Variants in LMX1B observed in about 807,000 individuals in gnomAD.
LMX1B encodes the protein LIM homeobox transcription factor 1-beta.
In LMX1B, 12 loss-of-function variants were observed where a neutral mutation model predicts 51.4. The observed-to-expected ratio is 0.23, with a 90% CI of 0.15 to 0.38. LMX1B has a LOEUF of 0.38. LMX1B is among the 10% of genes least tolerant of loss of function. The probability of loss-of-function intolerance (pLI) is 1.00; values close to 1 mark genes in which losing one functional copy is unlikely to be tolerated. For missense variants in LMX1B, 445 were observed against 571.1 expected (o/e 0.78, Z 2.25); for synonymous variants, 237 against 235.4 (o/e 1.01, Z -0.06).
chr9:126,686,858 G>A (rs2029916347), intron 2 of LMX1B, among the ~76,000 whole-genome samples: 1 of 152,252 alleles, frequency 6.6e-6, no homozygotes, highest in South Asian at 2.1e-4. Flanking sequence ...ATTGAATGAG[G>A]TGATGCAGGC....
chr9:126,649,086 T>A (rs547882683), intron 2 of LMX1B, among the ~76,000 whole-genome samples: 73 of 152,204 alleles, frequency 4.8e-4, no homozygotes, highest in African/African-American at 1.7e-3. Flanking sequence ...ATCTTCCTTG[T>A]TGCTCCCTCT....
rs775518108 is a variant in LMX1B, at chr9:126,690,806, C to T, written c.327-30C>T. ...GCCTCTGGGAGGGACTTCTGAGCAC[C>T]GCCAACACGCCCGCTTTGTGCATCC... On this transcript the variant is annotated intron_variant, in intron 2 of 7. Coordinates refer to ENST00000373474, the MANE Select transcript of LMX1B (RefSeq NM_001174147.2). 2.9e-5 allele frequency: 45 copies of T among 1,569,290 alleles called. No individual in the cohort carries two copies. The East Asian group carries it at 8.4e-4, about 29-fold the overall frequency.
chr9:126,665,040 G>T (rs768576379), intron 2 of LMX1B, among the ~76,000 whole-genome samples: 4 of 152,252 alleles, frequency 2.6e-5, no homozygotes, highest in Non-Finnish European at 5.9e-5. Context: ...CGTCCTTAGC[G>T]CTGTGCTTGC....
chr9:126,653,649 C>T (rs1836061776), intron 2 of LMX1B, among the ~76,000 whole-genome samples: 1 of 152,188 alleles, frequency 6.6e-6, no homozygotes, highest in Admixed American at 6.5e-5. Flanking sequence ...TGCGTTTGTG[C>T]ATGGAGCTCT....
intron 2 of LMX1B, among the ~76,000 whole-genome samples, chr9:126,617,318 C>G (rs1404080256): frequency 6.6e-6 from 1 of 151,882 alleles, no homozygotes; most frequent in African/African-American, 2.4e-5. Context: ...AGCCACCAGC[C>G]TTTACGACAA....
chr9:126,632,316 G>A (rs1394607729), intron 2 of LMX1B, among the ~76,000 whole-genome samples: 3 of 152,158 alleles, frequency 2.0e-5, no homozygotes, highest in Non-Finnish European at 4.4e-5. Flanking sequence ...GAGATGGGAG[G>A]CTGCAGCTTG....
chr9:126,650,653 C>A (rs1326369283), intron 2 of LMX1B, among the ~76,000 whole-genome samples: 1 of 152,214 alleles, frequency 6.6e-6, no homozygotes, highest in Non-Finnish European at 1.5e-5. Flanking sequence ...CTCGGCACTG[C>A]CCACCACTCA....
intron 2 of LMX1B, among the ~76,000 whole-genome samples, chr9:126,628,200 G>A (rs939382626): frequency 6.6e-6 from 1 of 152,208 alleles, no homozygotes; most frequent in African/African-American, 2.4e-5. Context: ...GTCATGGGGA[G>A]GCCAGAGGCC....
intron 2 of LMX1B, among the ~76,000 whole-genome samples, chr9:126,617,534 A>G (rs1325556758): frequency 6.6e-6 from 1 of 152,004 alleles, no homozygotes; most frequent in Non-Finnish European, 1.5e-5. Context: ...CTTCAGGCAC[A>G]GAATGGTAAA....
At chr9:126,666,233 G>C (rs1436395413) in intron 2 of LMX1B, among the ~76,000 whole-genome samples, 1 of 152,242 alleles carries the variant, frequency 6.6e-6, no homozygotes, top group Non-Finnish European at 1.5e-5. Flanking sequence ...GAGCAGGCAG[G>C]CTCCCTGAAG....
rs1835500498 is a variant in LMX1B, at chr9:126,625,257, C to A, written c.326+9688C>A. Among the ~76,000 whole-genome samples, 1 of 152,200 alleles carries A rather than the reference C, an allele frequency of 6.6e-6. No homozygotes were observed. The highest frequency in any genetic ancestry group is 2.4e-5 in the African/African-American group (1 of 41,444). ...CGCGCTTGGGCCTCAGGAGCCGGAG[C>A]GTTGCCGTGGGGGCGGGGGAAGGGG... On this transcript the variant is annotated intron_variant, in intron 2 of 7. Transcript: ENST00000373474. The surrounding 1 kb of genome is among the most constrained non-coding windows in gnomAD (Gnocchi z 5.3).
At chr9:126,680,956 T>C (rs949006372) in intron 2 of LMX1B, among the ~76,000 whole-genome samples, 1 of 152,048 alleles carries the variant, frequency 6.6e-6, no homozygotes, top group African/African-American at 2.4e-5. Flanking sequence ...GTCAGAGGGA[T>C]GTGATGCTCC....
intron 2 of LMX1B, among the ~76,000 whole-genome samples, chr9:126,682,625 G>A (rs554833105): frequency 6.6e-6 from 1 of 152,276 alleles, no homozygotes; most frequent in Non-Finnish European, 1.5e-5. Flanking sequence ...GGCCGTGTGC[G>A]GTGGCTCACG....
intron 2 of LMX1B, among the ~76,000 whole-genome samples, chr9:126,620,650 GT>G (rs1320261083): frequency 6.6e-6 from 1 of 152,052 alleles, no homozygotes; most frequent in Non-Finnish European, 1.5e-5. Flanking sequence ...CAGACGGAGG[GT>G]GGCCGGGTGT....
intron 2 of LMX1B, among the ~76,000 whole-genome samples, chr9:126,674,538 GA>G (rs1286908628): frequency 6.6e-6 from 1 of 152,186 alleles, no homozygotes; most frequent in African/African-American, 2.4e-5. Flanking sequence ...CTGACCCAAA[GA>G]TGAACGGATG....
intron 2 of LMX1B, among the ~76,000 whole-genome samples, chr9:126,655,154 C>G (rs1836088479): frequency 6.6e-6 from 1 of 152,254 alleles, no homozygotes; most frequent in Non-Finnish European, 1.5e-5. Context: ...ATGGGATAAT[C>G]AACTTTTTGG....
chr9:126,690,496 C>T (rs2030079979), intron 2 of LMX1B, among the ~76,000 whole-genome samples: 1 of 152,190 alleles, frequency 6.6e-6, no homozygotes, highest in Admixed American at 6.5e-5. Context: ...TCCTTTCCAG[C>T]CAGGGGCTGA....
In LMX1B at chr9:126,649,071, C is replaced by T. The variant is rs191828024; in HGVS notation, c.326+33502C>T. Among the ~76,000 whole-genome samples, 101 of 152,244 alleles carry T rather than the reference C, an allele frequency of 6.6e-4. 3 individuals carry two copies. Among genetic ancestry groups the T allele is most frequent in the Admixed American group, 5.0e-3 (77 of 15,300 alleles). ...TTCCCAGGTACTTAGGTCTAAGCTACCTGTATCTTCCTTGTTGCTCCCTCT... is the reference window on the plus strand; with the variant it reads ...TTCCCAGGTACTTAGGTCTAAGCTATCTGTATCTTCCTTGTTGCTCCCTCT... On this transcript the variant is annotated intron_variant, in intron 2 of 7. Transcript: ENST00000373474.
At position 126,626,044 on chromosome 9, in the gene LMX1B, T is replaced by C. The variant is rs1835522622; in HGVS notation, c.326+10475T>C. On this transcript the variant is annotated intron_variant, in intron 2 of 7. Coordinates refer to ENST00000373474, the MANE Select transcript of LMX1B (RefSeq NM_001174147.2). This position sits in a 1 kb window ranked among gnomAD's most constrained non-coding sequence, Gnocchi z 4.3. ...CGGGGGCTCCGTTTTGCTCCCCTCA[T>C]GGACATGGGGGTGGGGAGCTCGTGG... is the stretch of plus-strand genomic sequence containing the variant. Among the ~76,000 whole-genome samples the C allele has an allele frequency of 6.6e-6, 1 of 152,158 alleles. No homozygotes were observed. The highest frequency in any genetic ancestry group is 2.1e-4 in the South Asian group (1 of 4,834).
Sources: gnomAD v4.1 joint callset for allele counts (sites outside exome capture counted in the v4.1 genomes callset) on GRCh38, gnomAD v4.1.1 for gene constraint, Gnocchi (gnomAD v3.1) non-coding constraint, MANE v1.5 for transcripts, NCBI Gene and HGNC (gene_info 2026-07-23, HGNC 2026-07-21) for gene names.